TBC1D19: variants seen among roughly 807,000 people sequenced by gnomAD.
TBC1D19 encodes the protein TBC1 domain family, member 19.
A neutral mutation model predicts 89.0 loss-of-function variants in TBC1D19; 60 were observed. That is an observed-to-expected ratio of 0.67 (90% CI 0.55 to 0.84). The LOEUF (loss-of-function observed/expected upper bound fraction) is 0.84. TBC1D19 is among the 40% of genes least tolerant of loss of function. The probability of loss-of-function intolerance (pLI) is 0.00; values close to 1 mark genes in which losing one functional copy is unlikely to be tolerated. For synonymous variants in TBC1D19, 189 were observed against 199.7 expected (o/e 0.95, Z 0.45); for missense variants, 500 against 610.8 (o/e 0.82, Z 1.91).
At chr4:26,852,148 C>T in the TBC1D19 span, among the ~76,000 whole-genome samples, 1 of 152,232 alleles carries the variant, frequency 6.6e-6, no homozygotes, top group African/African-American at 2.4e-5. Flanking sequence ...GCTCTTCTCA[C>T]AGTCTTCCAC....
the TBC1D19 span, among the ~76,000 whole-genome samples, chr4:26,765,843 T>C: frequency 6.6e-6 from 1 of 152,198 alleles, no homozygotes; most frequent in Non-Finnish European, 1.5e-5. Flanking sequence ...TGCCTATTTG[T>C]TGTTTCTACT....
At chr4:26,599,708 G>A (rs186294714) in intron 1 of TBC1D19, among the ~76,000 whole-genome samples, 48 of 152,190 alleles carry the variant, frequency 3.2e-4, no homozygotes, top group Middle Eastern at 3.4e-3. Context: ...CACTTTGGGA[G>A]GCCAAGGCGG....
chr4:26,822,879 G>A, the TBC1D19 span, among the ~76,000 whole-genome samples: 31,064 of 152,102 alleles, frequency 0.2, 3,369 homozygotes, highest in Non-Finnish European at 0.25. Flanking sequence ...TACCTCTCCA[G>A]CAGGGATCCA....
chr4:26,775,396 G>T, the TBC1D19 span, among the ~76,000 whole-genome samples: 2 of 152,322 alleles, frequency 1.3e-5, no homozygotes, highest in East Asian at 3.9e-4. Flanking sequence ...GGAGACTGCA[G>T]TGAGCTGTGA....
the TBC1D19 span, among the ~76,000 whole-genome samples, chr4:26,800,154 C>T: frequency 2.4e-4 from 37 of 152,240 alleles, no homozygotes; most frequent in Admixed American, 7.2e-4. Flanking sequence ...TATCCCTCCC[C>T]GTCTCCCCAC....
intron 13 of TBC1D19, among the ~76,000 whole-genome samples, chr4:26,694,343 TG>T (rs1714574292): frequency 6.6e-6 from 1 of 152,016 alleles, no homozygotes; most frequent in Non-Finnish European, 1.5e-5. Context: ...GCAGCAAGGC[TG>T]GGGGAGGGGC....
At chr4:26,688,272 T>C in intron 12 of TBC1D19, 73 bp from the exon 13 acceptor site, 2 of 1,460,234 alleles carry the variant, frequency 1.4e-6, no homozygotes, top group South Asian at 2.8e-5. Context: ...TGCTTCTAAA[T>C]ACATGTGTAT....
At chr4:26,805,123 G>A in the TBC1D19 span, among the ~76,000 whole-genome samples, 1 of 152,202 alleles carries the variant, frequency 6.6e-6, no homozygotes, top group Non-Finnish European at 1.5e-5. Flanking sequence ...GCCTTCGTGT[G>A]TTCAGCTGCA....
chr4:26,798,313 C>G, the TBC1D19 span, among the ~76,000 whole-genome samples: 2 of 152,094 alleles, frequency 1.3e-5, no homozygotes, highest in African/African-American at 4.8e-5. Flanking sequence ...ATGCTCATCA[C>G]TAATTATCAG....
intron 18 of TBC1D19, among the ~76,000 whole-genome samples, chr4:26,743,944 A>G (rs896420150): frequency 4.0e-5 from 6 of 151,712 alleles, no homozygotes; most frequent in South Asian, 4.2e-4. Context: ...ATTTATTTCA[A>G]TGACATGATA....
At chr4:26,629,003 A>G (rs921129888) in intron 4 of TBC1D19, among the ~76,000 whole-genome samples, 2 of 152,084 alleles carry the variant, frequency 1.3e-5, no homozygotes, top group African/African-American at 4.8e-5. Context: ...GCTAGAAATG[A>G]TCTTGACCTC....
chr4:26,632,030 G>A (rs1202810726), intron 4 of TBC1D19, among the ~76,000 whole-genome samples: 1 of 152,018 alleles, frequency 6.6e-6, no homozygotes, highest in South Asian at 2.1e-4. Flanking sequence ...TGAATGAGCT[G>A]TTTTTGCCAA....
At chr4:26,730,984 C>T (rs942834613) in intron 15 of TBC1D19, among the ~76,000 whole-genome samples, 6 of 152,240 alleles carry the variant, frequency 3.9e-5, no homozygotes, top group Non-Finnish European at 5.9e-5. Flanking sequence ...GGAGTACAGC[C>T]GGAGGAGGGT....
chr4:26,607,648 A>G (rs1318411567), intron 1 of TBC1D19, among the ~76,000 whole-genome samples: 1 of 152,204 alleles, frequency 6.6e-6, no homozygotes, highest in African/African-American at 2.4e-5. Context: ...TCACTTAAAA[A>G]TATTTAATTA....
the TBC1D19 span, among the ~76,000 whole-genome samples, chr4:26,792,080 A>T: frequency 7.9e-5 from 12 of 152,152 alleles, no homozygotes; most frequent in Non-Finnish European, 1.3e-4. Flanking sequence ...GTGAGACAAG[A>T]CCTAGCAGAA....
At chr4:26,833,976 AAGGGCCTGGTGGG>A in the TBC1D19 span, among the ~76,000 whole-genome samples, 1,034 of 152,284 alleles carry the variant, frequency 6.8e-3, 8 homozygotes, top group Non-Finnish European at 0.012. Context: ...ATGTTGGAGG[AAGGGCCTGGTGGG>A]AGGCAACTGG....
At chr4:26,655,693 G>T (rs989836966) in intron 7 of TBC1D19, among the ~76,000 whole-genome samples, 1 of 152,188 alleles carries the variant, frequency 6.6e-6, no homozygotes, top group South Asian at 2.1e-4. Context: ...ACAATATCCT[G>T]GTGTGCCGTT....
At chr4:26,762,599 C>G in the TBC1D19 span, among the ~76,000 whole-genome samples, 5 of 152,148 alleles carry the variant, frequency 3.3e-5, no homozygotes, top group African/African-American at 4.8e-5. Flanking sequence ...AATGGTTCCT[C>G]AAAGATATTC....
the TBC1D19 span, among the ~76,000 whole-genome samples, chr4:26,788,278 C>A: frequency 6.6e-6 from 1 of 152,098 alleles, no homozygotes; most frequent in African/African-American, 2.4e-5. Flanking sequence ...TAGGAGGCAG[C>A]AGAGTCAAGG....
Sources: allele counts gnomAD v4.1 joint callset (sites outside exome capture counted in the v4.1 genomes callset), GRCh38; gene constraint gnomAD v4.1.1; transcripts MANE v1.5; gene names NCBI Gene and HGNC (gene_info 2026-07-23, HGNC 2026-07-21).